HERC6: variants seen among roughly 807,000 people sequenced by gnomAD.
The protein encoded by HERC6 is HECT and RLD domain containing E3 ubiquitin protein ligase family member 6, also known as probable E3 ubiquitin-protein ligase HERC6.
A neutral mutation model predicts 114.5 loss-of-function variants in HERC6; 101 were observed. The observed-to-expected ratio is 0.88, with a 90% CI of 0.75 to 1.04. The LOEUF is 1.04. HERC6 is among the 50% of genes least tolerant of loss of function. The pLI is 0.00. For missense variants in HERC6, 1,133 were observed against 1,230.9 expected, an observed-to-expected ratio of 0.92 and a Z score of 1.19; for synonymous variants, 408 against 436.2, an observed-to-expected ratio of 0.94 and a Z score of 0.81.
chr4:88,413,209 G>A lies in HERC6; in HGVS notation c.1501G>A (p.Val501Met). The change falls in exon 12 of 23, where the codon GTG (valine) becomes ATG (methionine). Residue 501 changes from valine (V) to methionine (M), a missense_variant. By Grantham distance (21) the Val-to-Met change is conservative. This residue lies in a region of HERC6 where 735 missense variants were observed against 754.0 expected (regional missense o/e 0.97). Coordinates refer to ENST00000264346, the MANE Select transcript of HERC6 (RefSeq NM_017912.4). ...MHDSKNWKNL[V>M]VPFAKAVCEM... ...TGATTCTAAGAACTGGAAGAACCTG[G>A]TGGTTCCATTTGCAAAGGCTGTGTG... 1.9e-6 allele frequency: 3 copies of A among 1,613,284 alleles called. No individual in the cohort carries two copies. The highest frequency in any genetic ancestry group is 2.5e-6 in the Non-Finnish European group (3 of 1,179,602).
chr4:88,387,766 C>T (rs550396317), intron 3 of HERC6, among the ~76,000 whole-genome samples: 1 of 152,274 alleles, frequency 6.6e-6, no homozygotes, highest in South Asian at 2.1e-4. Flanking sequence ...CCCTGTATAC[C>T]TTGTACAGTC....
At chr4:88,413,932 TG>T (rs1171285595) in intron 12 of HERC6, among the ~76,000 whole-genome samples, 1 of 152,148 alleles carries the variant, frequency 6.6e-6, no homozygotes, top group Non-Finnish European at 1.5e-5. Context: ...CATTATCTTT[TG>T]AAAAAATACA....
At position 88,379,128 on chromosome 4, in the gene HERC6, G is replaced by T; in HGVS notation, c.199+8G>T. On this transcript the variant is annotated splice_region_variant and intron_variant, in intron 1 of 22. Transcript: ENST00000264346. ...AGCGCGGGGAGCTGCCAGGTGAGCG[G>T]GGGGCCCCAGGTGCAGGGTGTGAGG... 3 of 1,536,370 alleles carry T rather than the reference G, an allele frequency of 2.0e-6. No homozygotes were observed. Among genetic ancestry groups the T allele is most frequent in the Non-Finnish European group, 1.7e-6 (2 of 1,144,324 alleles).
chr4:88,398,832 T>C (rs1303061084), intron 8 of HERC6: 1 of 152,248 alleles, frequency 6.6e-6, no homozygotes, highest in Non-Finnish European at 1.5e-5. Context: ...TGGATCAAGA[T>C]GTTTAATGCT....
chr4:88,386,395 G>A (rs917535075), intron 3 of HERC6, among the ~76,000 whole-genome samples: 3 of 151,840 alleles, frequency 2.0e-5, no homozygotes, highest in South Asian at 2.1e-4. Flanking sequence ...TAGTATAGAC[G>A]AGGTTTCACT....
intron 1 of HERC6, among the ~76,000 whole-genome samples, chr4:88,380,328 AAT>A (rs1179534104): frequency 1.7e-3 from 12 of 6,982 alleles, no homozygotes; most frequent in African/African-American, 6.7e-3. Context: ...ATATATATAT[AAT>A]ATATAAATAT....
chr4:88,386,868 T>C (rs1408478806), intron 3 of HERC6, among the ~76,000 whole-genome samples: 8 of 152,212 alleles, frequency 5.3e-5, no homozygotes. Flanking sequence ...CATCTCTTAA[T>C]TCTCAATTGC....
Position 88,379,066 on chromosome 4 carries a change from G to C in HERC6, c.145G>C (p.Asp49His). ...CAACCACAGGGTCCTCTCGTGCGGA[G>C]ACAACAGCAGGGGTCAGCTGGGCCG... ...LTNHRVLSCGDNSRGQLGRRG... is the reference protein window; with the variant it reads ...LTNHRVLSCGHNSRGQLGRRG... Residue 49 changes from aspartate (D) to histidine (H), a missense_variant, in exon 1 of 23, where the codon GAC (aspartate) becomes CAC (histidine). Coordinates refer to ENST00000264346, the MANE Select transcript of HERC6 (RefSeq NM_017912.4). 1.3e-6 allele frequency: 2 copies of C among 1,553,650 alleles called. No individual in the cohort carries two copies. Among genetic ancestry groups the C allele is most frequent in the African/African-American group, 2.7e-5 (2 of 73,392 alleles).
At chr4:88,403,329 A>G (rs1735642990) in intron 8 of HERC6, among the ~76,000 whole-genome samples, 1 of 152,218 alleles carries the variant, frequency 6.6e-6, no homozygotes, top group Non-Finnish European at 1.5e-5. Flanking sequence ...GGTGATTTGG[A>G]TGCACATTAC....
chr4:88,442,100 A>T (rs538099372), intron 22 of HERC6, 134 bp from the exon 23 acceptor site: 259 of 679,094 alleles, frequency 3.8e-4, no homozygotes, highest in Non-Finnish European at 6.1e-4. Context: ...TATACATTCA[A>T]CATGGTCTAG....
At chr4:88,434,545 G>C (rs1428581820) in intron 17 of HERC6, among the ~76,000 whole-genome samples, 1 of 151,814 alleles carries the variant, frequency 6.6e-6, no homozygotes, top group East Asian at 1.9e-4. Context: ...ATGGAGAGGA[G>C]ATGGGATGAA....
chr4:88,394,841 G>A (rs569933171), intron 5 of HERC6, among the ~76,000 whole-genome samples: 44 of 152,126 alleles, frequency 2.9e-4, no homozygotes, highest in Non-Finnish European at 5.3e-4. Flanking sequence ...CACTGCGCCC[G>A]GCCCCTTTAG....
intron 17 of HERC6, among the ~76,000 whole-genome samples, 168 bp from the exon 18 acceptor site, chr4:88,435,557 G>T (rs553287183): frequency 4.6e-5 from 7 of 152,188 alleles, no homozygotes; most frequent in African/African-American, 1.7e-4. Flanking sequence ...GAAATTTAAT[G>T]TATTATAATC....
intron 2 of HERC6, among the ~76,000 whole-genome samples, chr4:88,384,884 G>A (rs556208163): frequency 1.9e-4 from 29 of 152,228 alleles, no homozygotes; most frequent in African/African-American, 4.3e-4. Context: ...ATAGCCGGAC[G>A]TTGTGGTGCA....
intron 9 of HERC6, 81 bp downstream of exon 9, chr4:88,405,078 G>C: frequency 6.5e-6 from 10 of 1,529,322 alleles, no homozygotes; most frequent in Non-Finnish European, 8.8e-6. Flanking sequence ...AGAGGTTTTG[G>C]TTTTGTTGTG....
At chr4:88,430,524 C>G (rs1036643151) in intron 16 of HERC6, among the ~76,000 whole-genome samples, 1 of 151,562 alleles carries the variant, frequency 6.6e-6, no homozygotes, top group Admixed American at 6.6e-5. Flanking sequence ...AAGCTGAGAT[C>G]GTGCCATTGC....
intron 1 of HERC6, 74 bp from the exon 2 acceptor site, chr4:88,383,147 G>A (rs1206092084): frequency 2.0e-6 from 3 of 1,533,486 alleles, no homozygotes; most frequent in South Asian, 1.2e-5. Flanking sequence ...TTGAAGAAAA[G>A]TGCTGTCTTA....
chr4:88,388,698 T>C (rs565987734), intron 3 of HERC6, among the ~76,000 whole-genome samples: 1 of 152,136 alleles, frequency 6.6e-6, no homozygotes, highest in Admixed American at 6.5e-5. Flanking sequence ...GGTGGTCCTG[T>C]TGTGTAGATG....
At chr4:88,426,723 G>A (rs192922173) in intron 15 of HERC6, among the ~76,000 whole-genome samples, 142 of 152,178 alleles carry the variant, frequency 9.3e-4, no homozygotes, top group African/African-American at 1.7e-3. Context: ...TGATCGGCCC[G>A]CCTCAGCCTC....
Sources: gnomAD v4.1 joint callset for allele counts (sites outside exome capture counted in the v4.1 genomes callset) on GRCh38, gnomAD v4.1.1 for gene constraint, gnomAD v4.1.1 regional missense constraint, MANE v1.5 for transcripts, NCBI Gene and HGNC (gene_info 2026-07-23, HGNC 2026-07-21) for gene names.